The following OTOG variants were observed in gnomAD, a reference collection of about 807,000 sequenced individuals.
OTOG encodes otogelin.
OTOG carries 296 observed loss-of-function variants against 313.8 expected under a neutral mutation model. The observed-to-expected ratio is 0.94, with a 90% CI of 0.86 to 1.04. The LOEUF (loss-of-function observed/expected upper bound fraction) is 1.04. Ranked by LOEUF, OTOG falls within the 50% of genes least tolerant of loss-of-function variation. OTOG has a pLI of 0.00. For synonymous variants in OTOG, 1,533 were observed against 1,554.9 expected (o/e 0.99, Z 0.33); for missense variants, 3,948 against 3,840.1 (o/e 1.03, Z -0.74).
At chr11:17,617,673 T>A (rs1218719070) in intron 39 of OTOG, among the ~76,000 whole-genome samples, 2 of 152,186 alleles carry the variant, frequency 1.3e-5, no homozygotes. Context: ...TTCCTGACAT[T>A]AGTTATTTGT....
intron 16 of OTOG, 39 bp from the exon 17 acceptor site, chr11:17,570,174 G>A: frequency 6.6e-7 from 1 of 1,525,740 alleles, no homozygotes; most frequent in Non-Finnish European, 8.9e-7. Context: ...GTGTGTACTG[G>A]CTGCCCTCCC....
intron 20 of OTOG, among the ~76,000 whole-genome samples, chr11:17,575,298 G>A (rs970743051): frequency 2.0e-5 from 3 of 152,202 alleles, no homozygotes; most frequent in Admixed American, 6.5e-5. Context: ...CACATTCTAG[G>A]GTTGCAAGAC....
chr11:17,581,893 G>A (rs1590018556), intron 23 of OTOG, among the ~76,000 whole-genome samples: 1 of 152,170 alleles, frequency 6.6e-6, no homozygotes, highest in Admixed American at 6.5e-5. Flanking sequence ...GATAGGTTCT[G>A]CCTGTTCTAG....
intron 15 of OTOG, among the ~76,000 whole-genome samples, chr11:17,565,330 G>T (rs993282709): frequency 6.6e-6 from 1 of 152,094 alleles, no homozygotes; most frequent in Non-Finnish European, 1.5e-5. Context: ...TTTGACTGGG[G>T]TTATGGTTTT....
intron 36 of OTOG, 128 bp downstream of exon 36, chr11:17,611,551 T>C (rs1413931800): frequency 3.8e-6 from 4 of 1,049,184 alleles, no homozygotes; most frequent in Non-Finnish European, 5.4e-6. Context: ...CCTGAAAAAT[T>C]CTTCAGTCTC....
intron 32 of OTOG, among the ~76,000 whole-genome samples, chr11:17,604,615 A>G (rs946541931): frequency 2.6e-5 from 4 of 152,202 alleles, no homozygotes; most frequent in Admixed American, 6.5e-5. Context: ...AACCTCTCAT[A>G]GAAATTTATT....
intron 15 of OTOG, among the ~76,000 whole-genome samples, chr11:17,564,255 G>T (rs563617411): frequency 2.0e-5 from 3 of 152,196 alleles, no homozygotes; most frequent in South Asian, 2.1e-4. Context: ...AGGGAGGTCA[G>T]CGTGTCCTCA....
chr11:17,609,650 C>T lies in OTOG; in HGVS notation c.4355-5C>T, dbSNP rs766181347. 43 of 1,480,310 alleles carry T rather than the reference C, an allele frequency of 2.9e-5. No individual in the cohort carries two copies. In the South Asian group the frequency reaches 4.5e-4, roughly 15 times the overall value. 91.7% of individuals were successfully genotyped at this position (1,480,310 alleles called of 1,614,324 possible). A position where few individuals can be genotyped will look rare whatever the true frequency, so the allele number is the denominator to read the frequency against. On this transcript the variant is annotated splice_region_variant and splice_polypyrimidine_tract_variant and intron_variant, in intron 35 of 55. Coordinates refer to ENST00000399397, the MANE Select transcript of OTOG (RefSeq NM_001292063.2). ...CCTTCTGAACCTCTTCTTTTGTCTC[C>T]GCAGGTGTGGAGCCAGCAGTTTGGG...
At chr11:17,643,197 G>T (rs1848008903) in intron 53 of OTOG, among the ~76,000 whole-genome samples, 1 of 152,222 alleles carries the variant, frequency 6.6e-6, no homozygotes, top group South Asian at 2.1e-4. Context: ...TGGAAGACAT[G>T]AGGGGAACTG....
intron 5 of OTOG, 58 bp downstream of exon 5, chr11:17,553,269 G>C: frequency 5.9e-6 from 9 of 1,535,904 alleles, no homozygotes; most frequent in Non-Finnish European, 7.9e-6. Context: ...GAAAGCTAGG[G>C]AGAAAGGGAG....
Position 17,597,105 on chromosome 11 carries a change from C to A in OTOG, c.3682+98C>A. ...CAGTCTGTCTAGCATTTACTGAGTA[C>A]TTAGAATGTACCAAGCACCAACTGC... is the stretch of plus-strand genomic sequence containing the variant. On this transcript the variant is annotated intron_variant, in intron 30 of 55. Coordinates refer to ENST00000399397, the MANE Select transcript of OTOG (RefSeq NM_001292063.2). 2.1e-6 allele frequency: 3 copies of A among 1,419,068 alleles called. No homozygotes were observed. In the South Asian group the frequency reaches 4.3e-5, roughly 20 times the overall value. The allele number at this position is 1,419,068 out of a possible 1,614,324, so 87.9% of individuals were successfully genotyped here. A position where few individuals can be genotyped will look rare whatever the true frequency, so the allele number is the denominator to read the frequency against.
chr11:17,606,231 A>G (rs1565114286), intron 33 of OTOG, 96 bp downstream of exon 33: 2 of 1,388,114 alleles, frequency 1.4e-6, no homozygotes, highest in Non-Finnish European at 1.9e-6. Flanking sequence ...ATTACCCCTA[A>G]GAAGCAGAAT....
At chr11:17,560,103 G>C (rs975569677) in intron 12 of OTOG, among the ~76,000 whole-genome samples, 1 of 152,186 alleles carries the variant, frequency 6.6e-6, no homozygotes, top group Admixed American at 6.5e-5. Context: ...ACAGATCATT[G>C]GTTTATGTAT....
chr11:17,548,052 C>A (rs1851847843), intron 2 of OTOG, 65 bp downstream of exon 2: 4 of 1,295,790 alleles, frequency 3.1e-6, no homozygotes, highest in African/African-American at 1.5e-5. Context: ...GCATCAGCGA[C>A]CCCAGGGCTT....
intron 11 of OTOG, 118 bp from the exon 12 acceptor site, chr11:17,559,416 G>A: frequency 7.3e-7 from 1 of 1,374,078 alleles, no homozygotes. Flanking sequence ...TCTGGGACTA[G>A]GAAATCATGA....
intron 34 of OTOG, among the ~76,000 whole-genome samples, chr11:17,608,712 G>A (rs1405896239): frequency 6.6e-6 from 1 of 152,182 alleles, no homozygotes; most frequent in African/African-American, 2.4e-5. Flanking sequence ...GTGTGAGGGT[G>A]TATTCACTGA....
chr11:17,571,125 A>T (rs1420960156), intron 17 of OTOG, among the ~76,000 whole-genome samples: 1 of 152,248 alleles, frequency 6.6e-6, no homozygotes, highest in Admixed American at 6.5e-5. Context: ...CGGAGAATTC[A>T]GATTTGCTGT....
rs766229978 is a variant in OTOG at position 17,640,937 on chromosome 11, G to A, written c.8036G>A (p.Arg2679His). 2.2e-4 allele frequency: 341 copies of A among 1,548,058 alleles called. No homozygotes were observed. Among genetic ancestry groups the A allele is most frequent in the South Asian group, 6.5e-4 (55 of 84,052 alleles). The change falls in exon 51 of 56, where the codon CGC becomes CAC. Residue 2679 changes from arginine (R) to histidine (H), a missense_variant. Coordinates refer to ENST00000399397, the MANE Select transcript of OTOG (RefSeq NM_001292063.2). ...ECVKAPVCLS[R>H]ELGVMQPGQT... ...GTGAAGGCCCCGGTGTGTCTGAGCCGCGAGCTGGGTGTGATGCAGCCCGGC... is the reference window on the plus strand; with the variant it reads ...GTGAAGGCCCCGGTGTGTCTGAGCCACGAGCTGGGTGTGATGCAGCCCGGC...
At chr11:17,628,188 A>T (rs1364085824) in intron 39 of OTOG, among the ~76,000 whole-genome samples, 2 of 152,070 alleles carry the variant, frequency 1.3e-5, no homozygotes, top group Admixed American at 6.5e-5. Context: ...TTTTTGATAT[A>T]GGCACTGATA....
Sources: gnomAD v4.1 joint callset for allele counts (sites outside exome capture counted in the v4.1 genomes callset) on GRCh38, gnomAD v4.1.1 for gene constraint, MANE v1.5 for transcripts, NCBI Gene and HGNC (gene_info 2026-07-23, HGNC 2026-07-21) for gene names.